NBEA: variants seen among roughly 807,000 people sequenced by gnomAD.
NBEA encodes neurobeachin.
NBEA carries 44 observed loss-of-function variants against 343.4 expected under a neutral mutation model. That is an observed-to-expected ratio of 0.13 (90% CI 0.10 to 0.16). NBEA has a LOEUF of 0.16. NBEA is among the 10% of genes least tolerant of loss of function. NBEA has a pLI of 1.00. For missense variants in NBEA, 2,555 were observed against 3,631.3 expected (o/e 0.70, Z 7.62); for synonymous variants, 1,175 against 1,238.7 (o/e 0.95, Z 1.08).
intron 1 of NBEA, among the ~76,000 whole-genome samples, chr13:34,985,535 A>G (rs1372429148): frequency 6.6e-6 from 1 of 151,056 alleles, no homozygotes; most frequent in Non-Finnish European, 1.5e-5. Flanking sequence ...CTTTGGTATC[A>G]GGATGATGCT....
At chr13:35,241,495 C>T (rs1320684341) in intron 34 of NBEA, among the ~76,000 whole-genome samples, 1 of 151,168 alleles carries the variant, frequency 6.6e-6, no homozygotes, top group Non-Finnish European at 1.5e-5. Flanking sequence ...TCTGTAATAC[C>T]AAAGGTATTA....
chr13:35,392,664 T>C lies in NBEA; in HGVS notation c.6180-39605T>C, dbSNP rs1190608008. On this transcript the variant is annotated intron_variant, in intron 38 of 58. Coordinates refer to ENST00000379939, the MANE Select transcript of NBEA (RefSeq NM_001385012.1). Reference sequence around the variant, plus strand: ...AAAAACTATGATTTGCAAAACATACTCAATCCCAAGGGTTGTGCATAAGAA... The same window carrying C: ...AAAAACTATGATTTGCAAAACATACCCAATCCCAAGGGTTGTGCATAAGAA... 2.0e-5 allele frequency among the ~76,000 whole-genome samples: 3 copies of C among 152,156 alleles called. No homozygotes were observed. The East Asian group carries it at 5.8e-4, about 29-fold the overall frequency.
At chr13:35,318,807 G>A (rs534418001) in intron 36 of NBEA, among the ~76,000 whole-genome samples, 4 of 152,082 alleles carry the variant, frequency 2.6e-5, no homozygotes, top group South Asian at 4.2e-4. Flanking sequence ...TCAGGGATTC[G>A]ACTTCTTCCT....
chr13:35,349,086 C>G, intron 36 of NBEA, 22 bp from the exon 37 acceptor site: 2 of 1,361,308 alleles, frequency 1.5e-6, no homozygotes, highest in Non-Finnish European at 2.0e-6. Flanking sequence ...AATAATATTT[C>G]TAAAGGTATT....
chr13:35,587,005 T>A (rs1412726559), intron 46 of NBEA, among the ~76,000 whole-genome samples: 2 of 50,872 alleles, frequency 3.9e-5, no homozygotes, highest in Non-Finnish European at 7.0e-5. Flanking sequence ...TCTCAAATAG[T>A]CAGACAAGAA....
At chr13:35,183,828 A>G (rs561036280) in intron 29 of NBEA, 148 bp from the exon 30 acceptor site, 52 of 553,594 alleles carry the variant, frequency 9.4e-5, no homozygotes, top group Non-Finnish European at 1.4e-4. Flanking sequence ...TTCTCTTAAT[A>G]CATAAACTCT....
At position 35,671,073 on chromosome 13, in the gene NBEA, C is replaced by T. The variant is rs574871655; in HGVS notation, c.*82C>T. ...AAGGCAATATCTCTGGTGGAAAAAA[C>T]TCGTCTACATCGACCTCCGTTTGTA... On this transcript the variant is annotated 3_prime_UTR_variant, in exon 59 of 59. Coordinates refer to ENST00000379939, the MANE Select transcript of NBEA (RefSeq NM_001385012.1). 18 of 974,958 alleles carry T rather than the reference C, an allele frequency of 1.8e-5. No individual in the cohort carries two copies. The African/African-American group carries it at 2.9e-4, about 16-fold the overall frequency. The allele number at this position is 974,958 out of a possible 1,614,324, so 60.4% of individuals were successfully genotyped here.
intron 28 of NBEA, among the ~76,000 whole-genome samples, chr13:35,178,838 A>G (rs2071103987): frequency 6.6e-6 from 1 of 151,572 alleles, no homozygotes; most frequent in Admixed American, 6.6e-5. Flanking sequence ...ATTCTTACTG[A>G]CAGTTTAACC....
chr13:35,651,931 T>C, intron 53 of NBEA, 55 bp downstream of exon 53: 1 of 971,000 alleles, frequency 1.0e-6, no homozygotes, highest in African/African-American at 1.6e-5. Context: ...TATTCATATA[T>C]AGTTATTTTT....
Position 35,109,303 on chromosome 13 carries a change from A to G in NBEA, c.1694A>G (p.His565Arg). The G allele has an allele frequency of 3.1e-6, 5 of 1,601,428 alleles. No homozygotes were observed. Among genetic ancestry groups the G allele is most frequent in the Non-Finnish European group, 4.3e-6 (5 of 1,175,150 alleles). ...GYLLEKSSRV[H>R]ITRAVLEQFL... ...TTTCTTTCTTAGTCATCAAGAGTTC[A>G]TATAACTAGAGCTGTCCTGGAGCAA... Residue 565 changes from histidine to arginine, a missense_variant, in exon 12 of 59, where the codon CAT becomes CGT. Physicochemically the swap from His to Arg is conservative, Grantham distance 29 (BLOSUM62 0). Transcript: ENST00000379939.
At chr13:35,308,462 A>ATATATATG (rs2037075112) in intron 35 of NBEA, among the ~76,000 whole-genome samples, 2 of 110,202 alleles carry the variant, frequency 1.8e-5, no homozygotes, top group Non-Finnish European at 1.8e-5. Context: ...ATATATATAT[A>ATATATATG]TATATATATA....
chr13:35,660,817 G>A (rs2085055711), intron 55 of NBEA, among the ~76,000 whole-genome samples: 1 of 152,206 alleles, frequency 6.6e-6, no homozygotes, highest in Non-Finnish European at 1.5e-5. Flanking sequence ...CATTAAACAA[G>A]TTTGTATCAC....
chr13:35,086,397 A>C (rs1412951374), intron 10 of NBEA, among the ~76,000 whole-genome samples: 1 of 151,902 alleles, frequency 6.6e-6, no homozygotes, highest in East Asian at 1.9e-4. Context: ...TTGACCAACT[A>C]TCTAACTGTA....
chr13:35,126,789 G>T (rs1372036420), intron 17 of NBEA, among the ~76,000 whole-genome samples: 2 of 151,892 alleles, frequency 1.3e-5, no homozygotes, highest in African/African-American at 4.8e-5. Context: ...ATGGTGGCAG[G>T]TGCCTGTCAT....
rs768058354 is a variant in NBEA at position 35,160,077 on chromosome 13, G to A, written c.3861+45G>A. On this transcript the variant is annotated intron_variant, in intron 22 of 58. Coordinates refer to ENST00000379939, the MANE Select transcript of NBEA (RefSeq NM_001385012.1). ...TTCTAGAAATAAATAAAAATGCATTGAAGAGTTGTTAGCACCAAAACAGAG... is the reference window on the plus strand; with the variant it reads ...TTCTAGAAATAAATAAAAATGCATTAAAGAGTTGTTAGCACCAAAACAGAG... 5 of 1,457,848 alleles carry A rather than the reference G, an allele frequency of 3.4e-6. No homozygotes were observed. In the African/African-American group the frequency reaches 7.1e-5, roughly 21 times the overall value. 90.3% of individuals were successfully genotyped at this position (1,457,848 alleles called of 1,614,324 possible).
At chr13:35,093,337 T>G (rs1473871729) in intron 10 of NBEA, among the ~76,000 whole-genome samples, 5 of 151,878 alleles carry the variant, frequency 3.3e-5, no homozygotes, top group African/African-American at 9.7e-5. Flanking sequence ...AAAGAGAAAT[T>G]TCACTGCATG....
At chr13:35,531,196 A>G (rs547253618) in intron 41 of NBEA, among the ~76,000 whole-genome samples, 2 of 152,272 alleles carry the variant, frequency 1.3e-5, no homozygotes, top group South Asian at 4.1e-4. Context: ...AGAATTGGAA[A>G]GAAAAAAAAA....
intron 41 of NBEA, among the ~76,000 whole-genome samples, chr13:35,507,140 T>G (rs2077099835): frequency 2.0e-5 from 3 of 152,150 alleles, no homozygotes; most frequent in Non-Finnish European, 4.4e-5. Context: ...TCTATTCTAT[T>G]TACATAATTT....
chr13:35,248,663 A>G (rs894578301), intron 34 of NBEA, among the ~76,000 whole-genome samples: 2 of 152,230 alleles, frequency 1.3e-5, no homozygotes, highest in Non-Finnish European at 2.9e-5. Flanking sequence ...GATTTTCAAC[A>G]TGGGTGCCAA....
Sources: gnomAD v4.1 joint callset for allele counts (sites outside exome capture counted in the v4.1 genomes callset) on GRCh38, gnomAD v4.1.1 for gene constraint, MANE v1.5 for transcripts, NCBI Gene and HGNC (gene_info 2026-07-23, HGNC 2026-07-21) for gene names.